USF2: variants seen among roughly 807,000 people sequenced by gnomAD.
The protein encoded by USF2 is upstream transcription factor 2, c-fos interacting, also known as upstream stimulatory factor 2.
A neutral mutation model predicts 46.9 loss-of-function variants in USF2; 16 were observed. That is an observed-to-expected ratio of 0.34 (90% CI 0.23 to 0.52). The LOEUF (loss-of-function observed/expected upper bound fraction) is 0.52. Among genes scored for constraint, USF2 ranks in the 20% least tolerant of loss-of-function variants. USF2 has a pLI of 0.96. For synonymous variants in USF2, 239 were observed against 194.1 expected (o/e 1.23, Z -1.92); for missense variants, 411 against 474.0 (o/e 0.87, Z 1.23).
At position 35,279,010 on chromosome 19, in the gene USF2, G is replaced by T; in HGVS notation, c.887G>T (p.Arg296Leu). ...YIRELRQTNQ[R>L]MQETFKEAER... ...CGGGAGTTGCGCCAGACCAACCAGC[G>T]CATGCAGGAGACCTTCAAAGAGGCC... Residue 296 changes from arginine to leucine, a missense_variant, in exon 9 of 10, where the codon CGC becomes CTC. Physicochemically the swap from Arg to Leu is moderately radical, Grantham distance 102. Around this residue, in one of 2 missense-constraint regions of USF2, gnomAD observed 93 missense variants for 151.6 expected, o/e 0.61. Coordinates refer to ENST00000222305, the MANE Select transcript of USF2 (RefSeq NM_003367.4). 1.9e-6 allele frequency: 3 copies of T among 1,577,804 alleles called. No individual in the cohort carries two copies. The highest frequency in any genetic ancestry group is 2.6e-6 in the Non-Finnish European group (3 of 1,161,054).
chr19:35,273,874 G>C (rs1034917781), intron 7 of USF2, among the ~76,000 whole-genome samples: 4 of 152,346 alleles, frequency 2.6e-5, no homozygotes, highest in African/African-American at 9.6e-5. Flanking sequence ...CCTCCCGTCG[G>C]CCTCAGGTGT....
rs1351746100 is a variant in USF2, at chr19:35,269,783, C to T, written c.229-20C>T. The T allele has an allele frequency of 6.7e-7, 1 of 1,489,738 alleles. No homozygotes were observed. The highest frequency in any genetic ancestry group is 2.5e-5 in the Admixed American group (1 of 40,646). The allele number at this position is 1,489,738 out of a possible 1,614,324, so 92.3% of individuals were successfully genotyped here. A position where few individuals can be genotyped will look rare whatever the true frequency, so the allele number is the denominator to read the frequency against. On this transcript the variant is annotated intron_variant, in intron 3 of 9. Coordinates refer to ENST00000222305, the MANE Select transcript of USF2 (RefSeq NM_003367.4). ...GACCTGGCCCCAGCGCCGGCCTCGC[C>T]GCTCTGCCGCCCCCTGCAGGTGACA...
Position 35,269,454 on chromosome 19 carries a change from A to C in USF2, c.71A>C (p.Lys24Thr), listed in dbSNP as rs752152401. The part of the protein sequence containing the change: ...ATAAAAASHD[K>T]GPEAEEGVEL... ...TCCTGTGCCCCTGGCAGCCACGACA[A>C]GGGACCCGAGGCGGAGGAGGGCGTC... The change falls in exon 2 of 10, where the codon AAG becomes ACG. Residue 24 changes from lysine to threonine, a missense_variant. Physicochemically the swap from Lys to Thr is moderately conservative, Grantham distance 78. Coordinates refer to ENST00000222305, the MANE Select transcript of USF2 (RefSeq NM_003367.4). The C allele has an allele frequency of 2.0e-6, 3 of 1,536,764 alleles. No individual in the cohort carries two copies. In the Admixed American group the frequency reaches 5.7e-5, roughly 29 times the overall value.
In USF2 at chr19:35,271,016, T is replaced by C. The variant is rs763734337; in HGVS notation, c.669-67T>C. On this transcript the variant is annotated intron_variant, in intron 6 of 9. Coordinates refer to ENST00000222305, the MANE Select transcript of USF2 (RefSeq NM_003367.4). ...CAAAGATAATTTTCAAATCTAATAC[T>C]TAGCAGATGCTTGGGCAAACAGCTC... The C allele has an allele frequency of 4.4e-6, 7 of 1,588,734 alleles. No individual in the cohort carries two copies. In the Admixed American group the frequency reaches 6.8e-5, roughly 16 times the overall value.
rs1431730294 is a variant in USF2, at chr19:35,269,615, G to A, written c.144G>A (p.Ala48=). ...GCCCAGGAGCGGAGGAGCAGACAGC[G>A]GTGGCCATCACCAGCGTCCAGCAGG... is the stretch of plus-strand genomic sequence containing the variant. ...GDGPGAEEQT[A]VAITSVQQAA... is the part of the protein sequence containing the mutation. The change falls in exon 3 of 10, where the codon GCG becomes GCA. Residue 48 remains alanine (A), a synonymous_variant. Transcript: ENST00000222305. The A allele has an allele frequency of 1.3e-6, 2 of 1,596,816 alleles. No individual in the cohort carries two copies. Among genetic ancestry groups the A allele is most frequent in the Non-Finnish European group, 1.7e-6 (2 of 1,172,678 alleles).
chr19:35,274,445 A>G (rs2066203625), intron 7 of USF2, among the ~76,000 whole-genome samples: 2 of 152,282 alleles, frequency 1.3e-5, no homozygotes, highest in African/African-American at 4.8e-5. Flanking sequence ...CCAGAGTCAC[A>G]GACTCAAATG....
chr19:35,271,197 C>T, intron 7 of USF2, 56 bp downstream of exon 7: 1 of 1,607,406 alleles, frequency 6.2e-7, no homozygotes, highest in Non-Finnish European at 8.5e-7. Context: ...CAGGCTCAGC[C>T]AGCCCTGGAG....
chr19:35,274,040 C>T (rs1385858753), intron 7 of USF2, among the ~76,000 whole-genome samples: 1 of 152,216 alleles, frequency 6.6e-6, no homozygotes. Context: ...TCCCAGGCTT[C>T]GCCCACCACC....
chr19:35,271,020 C>T (rs761833340), intron 6 of USF2, 63 bp from the exon 7 acceptor site: 21 of 1,591,686 alleles, frequency 1.3e-5, no homozygotes, highest in South Asian at 4.4e-5. Context: ...TAATACTTAG[C>T]AGATGCTTGG....
At chr19:35,278,551 G>A in intron 7 of USF2, 147 bp from the exon 8 acceptor site, 1 of 776,868 alleles carries the variant, frequency 1.3e-6, no homozygotes, top group Non-Finnish European at 2.1e-6. Flanking sequence ...CTGGGCTCAG[G>A]GTGCGGCCCC....
chr19:35,269,432 T>C lies in USF2; in HGVS notation c.63-14T>C, dbSNP rs750992320. 4.6e-6 allele frequency: 7 copies of C among 1,508,170 alleles called. No individual in the cohort carries two copies. In the Admixed American group the frequency reaches 1.0e-4, roughly 22 times the overall value. 93.4% of individuals were successfully genotyped at this position (1,508,170 alleles called of 1,614,324 possible). Reference sequence around the variant, plus strand: ...GGGCCGCGCTGACCCTGCTCCCTCCTGTGCCCCTGGCAGCCACGACAAGGG... The same window carrying C: ...GGGCCGCGCTGACCCTGCTCCCTCCCGTGCCCCTGGCAGCCACGACAAGGG... On this transcript the variant is annotated splice_polypyrimidine_tract_variant and intron_variant, in intron 1 of 9. Transcript: ENST00000222305.
intron 7 of USF2, among the ~76,000 whole-genome samples, chr19:35,271,825 G>A (rs557107321): frequency 1.6e-3 from 248 of 152,356 alleles, no homozygotes; most frequent in African/African-American, 5.7e-3. Flanking sequence ...TGCCAGGTCT[G>A]GAGTCTGGCC....
At chr19:35,272,495 T>C (rs780335237) in intron 7 of USF2, among the ~76,000 whole-genome samples, 10 of 151,890 alleles carry the variant, frequency 6.6e-5, no homozygotes, top group Non-Finnish European at 1.5e-4. Flanking sequence ...GCCGCCATGG[T>C]GTGTCTGCAG....
chr19:35,270,473 T>G lies in USF2; in HGVS notation c.456T>G (p.Asn152Lys). 1.2e-6 allele frequency: 2 copies of G among 1,613,750 alleles called. No homozygotes were observed. Among genetic ancestry groups the G allele is most frequent in the Non-Finnish European group, 8.5e-7 (1 of 1,179,946 alleles). Residue 152 changes from asparagine (N) to lysine (K), a missense_variant, in exon 5 of 10, where the codon AAT (asparagine) becomes AAG (lysine). This residue lies in a region of USF2 where 318 missense variants were observed against 322.4 expected (regional missense o/e 0.99). Transcript: ENST00000222305. ...CTGTGATCCAAAATCCCTTCAGCAA[T>G]GGTGGCAGTCCGGCGGCCGAGGCTG... The part of the protein sequence containing the change: ...PLAVIQNPFS[N>K]GGSPAAEAVS...
In USF2 at chr19:35,279,023, C is replaced by T; in HGVS notation, c.900C>T (p.Thr300=). ...LRQTNQRMQE[T]FKEAERLQMD... Reference sequence around the variant, plus strand: ...AGACCAACCAGCGCATGCAGGAGACCTTCAAAGAGGCCGAGCGGCTGCAGA... The same window carrying T: ...AGACCAACCAGCGCATGCAGGAGACTTTCAAAGAGGCCGAGCGGCTGCAGA... Residue 300 remains threonine, a synonymous_variant, in exon 9 of 10, where the codon ACC becomes ACT. Transcript: ENST00000222305. 6.3e-7 allele frequency: 1 copy of T among 1,588,900 alleles called. No individual in the cohort carries two copies. The highest frequency in any genetic ancestry group is 8.6e-7 in the Non-Finnish European group (1 of 1,166,784).
rs777135887 is a variant in USF2, at chr19:35,269,457, G to T, written c.74G>T (p.Gly25Val). The change falls in exon 2 of 10, where the codon GGA (glycine) becomes GTA (valine). Residue 25 changes from glycine (G) to valine (V), a missense_variant. This residue lies in a region of USF2 where 318 missense variants were observed against 322.4 expected (regional missense o/e 0.99). Transcript: ENST00000222305. ...TGTGCCCCTGGCAGCCACGACAAGG[G>T]ACCCGAGGCGGAGGAGGGCGTCGAG... is the stretch of plus-strand genomic sequence containing the variant. ...TAAAAASHDK[G>V]PEAEEGVELQ... 2.6e-6 allele frequency: 4 copies of T among 1,543,878 alleles called. No homozygotes were observed. The highest frequency in any genetic ancestry group is 1.2e-5 in the South Asian group (1 of 84,070).
Position 35,270,564 on chromosome 19 carries a change from G to C in USF2, c.547G>C (p.Val183Leu). Residue 183 changes from valine to leucine, a missense_variant, in exon 5 of 10, where the codon GTA becomes CTA. Coordinates refer to ENST00000222305, the MANE Select transcript of USF2 (RefSeq NM_003367.4). ...SSVGDTTAVS[V>L]QTTDQSLQAG... ...TGTGGGAGATACTACGGCTGTGTCC[G>C]TACAGACCACAGACCAGAGCTTGCA... 1.2e-6 allele frequency: 2 copies of C among 1,614,092 alleles called. No individual in the cohort carries two copies. Among genetic ancestry groups the C allele is most frequent in the South Asian group, 1.1e-5 (1 of 91,088 alleles).
intron 7 of USF2, among the ~76,000 whole-genome samples, 172 bp downstream of exon 7, chr19:35,271,313 A>G (rs1280859955): frequency 6.6e-6 from 1 of 152,226 alleles, no homozygotes; most frequent in East Asian, 1.9e-4. Context: ...GGGAGAGTAC[A>G]GTGTCAGAAG....
At chr19:35,272,978 C>T (rs947237915) in intron 7 of USF2, among the ~76,000 whole-genome samples, 2 of 151,576 alleles carry the variant, frequency 1.3e-5, no homozygotes, top group South Asian at 2.1e-4. Flanking sequence ...ACAGCCGCCC[C>T]GGGCACCTGG....
Sources: allele counts gnomAD v4.1 joint callset (sites outside exome capture counted in the v4.1 genomes callset), GRCh38; gene constraint gnomAD v4.1.1; regional missense constraint gnomAD v4.1.1; transcripts MANE v1.5; gene names NCBI Gene and HGNC (gene_info 2026-07-23, HGNC 2026-07-21).